DEFB118: variants seen among roughly 807,000 people sequenced by gnomAD.
The protein encoded by DEFB118 is defensin beta 118.
Under a neutral mutation model 2.8 loss-of-function variants are expected in DEFB118, and 3 were observed. The observed-to-expected ratio is 1.09, with a 90% CI of 0.50 to 2.82. The LOEUF is 2.82. Ranked by LOEUF, DEFB118 falls within the 30% of genes most tolerant of loss-of-function variation. DEFB118 has a pLI of 0.04. For synonymous variants in DEFB118, 63 were observed against 53.5 expected, an observed-to-expected ratio of 1.18 and a Z score of -0.78; for missense variants, 159 against 144.6, an observed-to-expected ratio of 1.10 and a Z score of -0.51.
rs956754058 is a variant in DEFB118 at position 31,373,783 on chromosome 20, C to T, written c.*613C>T. On this transcript the variant is annotated 3_prime_UTR_variant, in exon 2 of 2. Coordinates refer to ENST00000253381, the MANE Select transcript of DEFB118 (RefSeq NM_054112.3). ...TGGCTCTGTAGACCCATCTTTTTGA[C>T]CAAGCCTTGATCACACATGGACATC... is the stretch of plus-strand genomic sequence containing the variant. The T allele has an allele frequency of 2.0e-5, 3 of 152,138 alleles. No homozygotes were observed. Among genetic ancestry groups the T allele is most frequent in the Non-Finnish European group, 4.4e-5 (3 of 68,362 alleles). 9.4% of individuals were successfully genotyped at this position (152,138 alleles called of 1,614,324 possible).
In DEFB118 at chr20:31,368,641, C is replaced by G. The variant is rs1334483371; in HGVS notation, c.-10C>G. 2 of 1,613,710 alleles carry G rather than the reference C, an allele frequency of 1.2e-6. No homozygotes were observed. The highest frequency in any genetic ancestry group is 3.3e-5 in the Admixed American group (2 of 60,012). ...CTCCTGGATCTACCACCTCCTGCTT[C>G]CCAAGGACCATGAAACTCCTGCTGC... On this transcript the variant is annotated 5_prime_UTR_variant, in exon 1 of 2. Transcript: ENST00000253381.
chr20:31,369,191 A>T (rs1202028374), intron 1 of DEFB118, among the ~76,000 whole-genome samples: 5 of 152,166 alleles, frequency 3.3e-5, no homozygotes, highest in Non-Finnish European at 5.9e-5. Flanking sequence ...AGCTTTTCAT[A>T]ATCACTGCTT....
chr20:31,368,782 C>T lies in DEFB118; in HGVS notation c.58+74C>T, dbSNP rs879835830. On this transcript the variant is annotated intron_variant, in intron 1 of 1. Transcript: ENST00000253381. ...GGCTCATGAAAATTCCAATGTGTCA[C>T]GGTACTCCCCAACATGGGCAGCTCC... 7.3e-5 allele frequency: 102 copies of T among 1,403,724 alleles called. No homozygotes were observed. In the African/African-American group the frequency reaches 8.0e-4, roughly 11 times the overall value. 87.0% of individuals were successfully genotyped at this position (1,403,724 alleles called of 1,614,324 possible). A position where few individuals can be genotyped will look rare whatever the true frequency, so the allele number is the denominator to read the frequency against.
rs764506309 is a variant in DEFB118 at position 31,372,857 on chromosome 20, C to A, written c.59C>A (p.Ala20Asp). Residue 20 changes from alanine (A) to aspartate (D), a missense_variant and splice_region_variant, in exon 2 of 2, where the codon GCC becomes GAC. Coordinates refer to ENST00000253381, the MANE Select transcript of DEFB118 (RefSeq NM_054112.3). ...AATGGTCTTTCCTTTTATTATTCAG[C>A]CTATAGTGGTGAAAAAAAATGCTGG... ...MLVLLPQVIPAYSGEKKCWNR... is the reference protein window; with the variant it reads ...MLVLLPQVIPDYSGEKKCWNR... 4 of 1,612,692 alleles carry A rather than the reference C, an allele frequency of 2.5e-6. No individual in the cohort carries two copies. Among genetic ancestry groups the A allele is most frequent in the Non-Finnish European group, 3.4e-6 (4 of 1,179,234 alleles).
Position 31,369,385 on chromosome 20 carries a change from G to GTTTTTT in DEFB118, c.58+693_58+698dup, listed in dbSNP as rs71185357. On this transcript the variant is annotated intron_variant, in intron 1 of 1. Coordinates refer to ENST00000253381, the MANE Select transcript of DEFB118 (RefSeq NM_054112.3). ...CTGCATGGCTATGCAGCACTCTTGT[G>GTTTTTT]TTTTTTTTTTTTTTTTTTTTTGAAG... Among the ~76,000 whole-genome samples the GTTTTTT allele has an allele frequency of 1.2e-4, 12 of 103,916 alleles. 1 individual carries two copies. Among genetic ancestry groups the GTTTTTT allele is most frequent in the South Asian group, 3.3e-4 (1 of 3,034 alleles). 68.2% of individuals were successfully genotyped at this position (103,916 alleles called of 152,430 possible).
At chr20:31,369,994 G>A (rs2122269148) in intron 1 of DEFB118, among the ~76,000 whole-genome samples, 1 of 152,242 alleles carries the variant, frequency 6.6e-6, no homozygotes, top group Admixed American at 6.5e-5. Context: ...ATATATATTT[G>A]TTCCATTAAT....
rs529004394 is a variant in DEFB118, at chr20:31,368,956, C to T, written c.58+248C>T. ...CCGCCTAAGAAACTAGGGGAAAGCTCGGCTCACATCTGTTCTCTTTCCAGA... is the reference window on the plus strand; with the variant it reads ...CCGCCTAAGAAACTAGGGGAAAGCTTGGCTCACATCTGTTCTCTTTCCAGA... On this transcript the variant is annotated intron_variant, in intron 1 of 1. Transcript: ENST00000253381. 5.3e-5 allele frequency among the ~76,000 whole-genome samples: 8 copies of T among 152,282 alleles called. No individual in the cohort carries two copies. The South Asian group carries it at 1.2e-3, about 24-fold the overall frequency.
Position 31,368,614 on chromosome 20 carries a change from A to G in DEFB118, c.-37A>G, listed in dbSNP as rs1986156041. ...GACTCACACTGCACACAGTATTCTG[A>G]ACTCCTGGATCTACCACCTCCTGCT... On this transcript the variant is annotated 5_prime_UTR_variant, in exon 1 of 2. Coordinates refer to ENST00000253381, the MANE Select transcript of DEFB118 (RefSeq NM_054112.3). 6.2e-7 allele frequency: 1 copy of G among 1,608,186 alleles called. No individual in the cohort carries two copies. Among genetic ancestry groups the G allele is most frequent in the African/African-American group, 1.3e-5 (1 of 74,850 alleles).
intron 1 of DEFB118, among the ~76,000 whole-genome samples, chr20:31,370,714 A>G (rs765874403): frequency 1.3e-5 from 2 of 152,148 alleles, no homozygotes; most frequent in Non-Finnish European, 2.9e-5. Context: ...CCAGCTGATG[A>G]GTATAAAATA....
chr20:31,372,954 A>G lies in DEFB118; in HGVS notation c.156A>G (p.Arg52=). ...TGAAAGATACATGCAAAAATCTTCG[A>G]GCTTGCTGCATTCCATCCAATGAAG... The part of the protein sequence containing the change: ...EAVKDTCKNL[R]ACCIPSNEDH... The change falls in exon 2 of 2, where the codon CGA becomes CGG. Residue 52 remains arginine, a synonymous_variant. Transcript: ENST00000253381. 1 of 1,614,222 alleles carries G rather than the reference A, an allele frequency of 6.2e-7. No homozygotes were observed. The highest frequency in any genetic ancestry group is 8.5e-7 in the Non-Finnish European group (1 of 1,180,034).
intron 1 of DEFB118, among the ~76,000 whole-genome samples, 173 bp downstream of exon 1, chr20:31,368,881 A>G (rs1180559786): frequency 6.6e-6 from 1 of 152,186 alleles, no homozygotes; most frequent in Non-Finnish European, 1.5e-5. Flanking sequence ...CTCAATAGAC[A>G]GGGGCAGTCC....
intron 1 of DEFB118, 122 bp downstream of exon 1, chr20:31,368,830 G>A (rs1986162944): frequency 6.5e-6 from 6 of 918,240 alleles, no homozygotes; most frequent in Non-Finnish European, 8.6e-6. Context: ...CTGGGACTAT[G>A]CTCCTGGCTG....
At chr20:31,368,794 A>G (rs557995590) in intron 1 of DEFB118, 86 bp downstream of exon 1, 21 of 1,296,786 alleles carry the variant, frequency 1.6e-5, no homozygotes, top group African/African-American at 1.6e-4. Context: ...GTACTCCCCA[A>G]CATGGGCAGC....
In DEFB118 at chr20:31,372,912, C is replaced by A; in HGVS notation, c.114C>A (p.Cys38Ter). Reference sequence around the variant, plus strand: ...GATCAGGGCACTGCAGGAAACAATGCAAAGATGGAGAAGCAGTGAAAGATA... The same window carrying A: ...GATCAGGGCACTGCAGGAAACAATGAAAAGATGGAGAAGCAGTGAAAGATA... ...WNRSGHCRKQCKDGEAVKDTC... is the reference protein window; with the variant it reads ...WNRSGHCRKQ Residue 38 changes from cysteine to a stop codon, truncating the protein, a stop_gained, in exon 2 of 2, where the codon TGC becomes TGA. Transcript: ENST00000253381. LOFTEE classifies it low-confidence loss of function (END_TRUNC). 6.2e-7 allele frequency: 1 copy of A among 1,614,086 alleles called. No individual in the cohort carries two copies. The highest frequency in any genetic ancestry group is 8.5e-7 in the Non-Finnish European group (1 of 1,180,002).
Position 31,370,365 on chromosome 20 carries a change from G to C in DEFB118, c.58+1657G>C, listed in dbSNP as rs138836818. Among the ~76,000 whole-genome samples the C allele has an allele frequency of 3.2e-3, 483 of 152,320 alleles. 2 individuals carry two copies. The highest frequency in any genetic ancestry group is 0.011 in the African/African-American group (471 of 41,580). On this transcript the variant is annotated intron_variant, in intron 1 of 1. Transcript: ENST00000253381. ...GAAAGCAATTGTGTCTGCTTTGAGT[G>C]CTAGTGGAGATATTGAGACTAGGAA...
In DEFB118 at chr20:31,372,999, G is replaced by A. The variant is rs146851225; in HGVS notation, c.201G>A (p.Ala67=). The change falls in exon 2 of 2, where the codon GCG becomes GCA. Residue 67 remains alanine (A), a synonymous_variant. Coordinates refer to ENST00000253381, the MANE Select transcript of DEFB118 (RefSeq NM_054112.3). Reference sequence around the variant, plus strand: ...ATGAAGACCACAGGCGAGTTCCTGCGACATCTCCCACACCCTTGAGTGACT... The same window carrying A: ...ATGAAGACCACAGGCGAGTTCCTGCAACATCTCCCACACCCTTGAGTGACT... ...PSNEDHRRVP[A]TSPTPLSDST... 2.6e-4 allele frequency: 415 copies of A among 1,614,136 alleles called. No individual in the cohort carries two copies. In the Middle Eastern group the frequency reaches 3.1e-3, roughly 12 times the overall value.
rs1986248494 is a variant in DEFB118 at position 31,373,271 on chromosome 20, C to G, written c.*101C>G. ...CCACAGTGACCCTCCCACCCCCCAC[C>G]AATATGTAATTCTATTAATAGAAAC... is the stretch of plus-strand genomic sequence containing the variant. On this transcript the variant is annotated 3_prime_UTR_variant, in exon 2 of 2. Coordinates refer to ENST00000253381, the MANE Select transcript of DEFB118 (RefSeq NM_054112.3). 2 of 1,020,584 alleles carry G rather than the reference C, an allele frequency of 2.0e-6. No homozygotes were observed. Among genetic ancestry groups the G allele is most frequent in the Non-Finnish European group, 2.8e-6 (2 of 708,338 alleles). The allele number at this position is 1,020,584 out of a possible 1,614,324, so 63.2% of individuals were successfully genotyped here.
chr20:31,371,251 C>T (rs1986204707), intron 1 of DEFB118, among the ~76,000 whole-genome samples: 1 of 152,112 alleles, frequency 6.6e-6, no homozygotes, highest in African/African-American at 2.4e-5. Context: ...GATATATACT[C>T]TGCCCCCAGT....
In DEFB118 at chr20:31,372,855, A is replaced by G. The variant is rs763295501; in HGVS notation, c.59-2A>G. The G allele has an allele frequency of 6.2e-7, 1 of 1,608,620 alleles. No homozygotes were observed. Among genetic ancestry groups the G allele is most frequent in the South Asian group, 1.1e-5 (1 of 90,782 alleles). On this transcript the variant is annotated splice_acceptor_variant, in intron 1 of 1. Coordinates refer to ENST00000253381, the MANE Select transcript of DEFB118 (RefSeq NM_054112.3). LOFTEE classifies it high-confidence loss of function. Reference sequence around the variant, plus strand: ...TCAATGGTCTTTCCTTTTATTATTCAGCCTATAGTGGTGAAAAAAAATGCT... The same window carrying G: ...TCAATGGTCTTTCCTTTTATTATTCGGCCTATAGTGGTGAAAAAAAATGCT...
Sources: gnomAD v4.1 joint callset for allele counts (sites outside exome capture counted in the v4.1 genomes callset) on GRCh38, gnomAD v4.1.1 for gene constraint, MANE v1.5 for transcripts, NCBI Gene and HGNC (gene_info 2026-07-23, HGNC 2026-07-21) for gene names.